COL27A1: variants seen among roughly 807,000 people sequenced by gnomAD.
The protein encoded by COL27A1 is collagen alpha-1(XXVII) chain.
COL27A1 carries 106 observed loss-of-function variants against 251.3 expected under a neutral mutation model. That is an observed-to-expected ratio of 0.42 (90% CI 0.36 to 0.50). The LOEUF (loss-of-function observed/expected upper bound fraction) is 0.50, where lower values mean the gene tolerates loss of function less well. Ranked by LOEUF, COL27A1 falls within the 20% of genes least tolerant of loss-of-function variation. The pLI, the probability that COL27A1 is intolerant of heterozygous loss-of-function variation, is 0.00. For synonymous variants in COL27A1, 1,000 were observed against 986.3 expected, an observed-to-expected ratio of 1.01 and a Z score of -0.26; for missense variants, 2,325 against 2,522.8, an observed-to-expected ratio of 0.92 and a Z score of 1.68.
At chr9:114,301,353 A>G (rs1588895738) in intron 53 of COL27A1, 34 bp downstream of exon 53, 8 of 1,370,980 alleles carry the variant, frequency 5.8e-6, no homozygotes, top group Non-Finnish European at 8.2e-6. Flanking sequence ...GGGATGCAGC[A>G]CTGCAGGGGC....
Position 114,265,274 on chromosome 9 carries a change from A to G in COL27A1, c.3340-148A>G, listed in dbSNP as rs900785533. The G allele has an allele frequency of 8.4e-6, 9 of 1,072,374 alleles. No individual in the cohort carries two copies. The African/African-American group carries it at 1.3e-4, about 15-fold the overall frequency. The allele number at this position is 1,072,374 out of a possible 1,614,324, so 66.4% of individuals were successfully genotyped here. A position where few individuals can be genotyped will look rare whatever the true frequency, so the allele number is the denominator to read the frequency against. On this transcript the variant is annotated intron_variant, in intron 31 of 60. Coordinates refer to ENST00000356083, the MANE Select transcript of COL27A1 (RefSeq NM_032888.4). ...CCCTGCACTGAAGCTCCTCCAGCAC[A>G]TCCTCTCTTCTCTGGGTCTCAGCCT...
chr9:114,209,705 C>T lies in COL27A1; in HGVS notation c.2299C>T (p.Leu767=). ...CATTGGGCTCCCAGGGCTCTTCGGCCTGCCAGGGTCTGATGGAGAACGAGT... is the reference window on the plus strand; with the variant it reads ...CATTGGGCTCCCAGGGCTCTTCGGCTTGCCAGGGTCTGATGGAGAACGAGT... ...GYIGLPGLFG[L]PGSDGERGLP... is the part of the protein sequence containing the mutation. The change falls in exon 11 of 61, where the codon CTG becomes TTG. Residue 767 remains leucine (L), a synonymous_variant. Transcript: ENST00000356083. The T allele has an allele frequency of 2.5e-6, 4 of 1,614,196 alleles. No individual in the cohort carries two copies. The highest frequency in any genetic ancestry group is 3.4e-6 in the Non-Finnish European group (4 of 1,180,012).
chr9:114,180,181 G>A (rs1479908086), intron 4 of COL27A1, among the ~76,000 whole-genome samples: 1 of 152,044 alleles, frequency 6.6e-6, no homozygotes, highest in East Asian at 1.9e-4. Context: ...TTATTTTTCT[G>A]AGTATTCACC....
In COL27A1 at chr9:114,203,314, C is replaced by A. The variant is rs148650245; in HGVS notation, c.2125-1788C>A. 5.9e-5 allele frequency among the ~76,000 whole-genome samples: 9 copies of A among 152,318 alleles called. No individual in the cohort carries two copies. The East Asian group carries it at 1.7e-3, about 29-fold the overall frequency. ...TGATAACAGCAGCTAACCTTTTCAG[C>A]GCCCTTGAATCCAATGCCAAATACT... On this transcript the variant is annotated intron_variant, in intron 7 of 60. Coordinates refer to ENST00000356083, the MANE Select transcript of COL27A1 (RefSeq NM_032888.4).
At chr9:114,164,251 A>G (rs1848684147) in intron 2 of COL27A1, among the ~76,000 whole-genome samples, 1 of 152,238 alleles carries the variant, frequency 6.6e-6, no homozygotes, top group African/African-American at 2.4e-5. Context: ...AGTATTTGGT[A>G]TCTAGTAAGT....
chr9:114,189,170 A>G (rs987116883), intron 5 of COL27A1, among the ~76,000 whole-genome samples: 3 of 152,218 alleles, frequency 2.0e-5, no homozygotes, highest in Non-Finnish European at 4.4e-5. Flanking sequence ...ATTCATTTAT[A>G]TTCCTTGTAA....
At chr9:114,188,835 A>G (rs558500269) in intron 5 of COL27A1, among the ~76,000 whole-genome samples, 1 of 152,308 alleles carries the variant, frequency 6.6e-6, no homozygotes, top group Non-Finnish European at 1.5e-5. Flanking sequence ...TATGAGATGT[A>G]TGTTTTTCTT....
At chr9:114,304,761 G>GC in intron 57 of COL27A1, 88 bp downstream of exon 57, 11 of 1,172,094 alleles carry the variant, frequency 9.4e-6, no homozygotes, top group Non-Finnish European at 1.4e-5. Flanking sequence ...TGCCTTCCAT[G>GC]TGGCCTGCAT....
At chr9:114,284,384 C>T (rs1231131513) in intron 40 of COL27A1, among the ~76,000 whole-genome samples, 1 of 152,204 alleles carries the variant, frequency 6.6e-6, no homozygotes, top group Non-Finnish European at 1.5e-5. Flanking sequence ...GCAGGCCTAG[C>T]CAAAGCCTGG....
chr9:114,236,969 G>A lies in COL27A1; in HGVS notation c.2620-12G>A. 6.2e-7 allele frequency: 1 copy of A among 1,613,584 alleles called. No homozygotes were observed. The highest frequency in any genetic ancestry group is 8.5e-7 in the Non-Finnish European group (1 of 1,179,822). On this transcript the variant is annotated splice_polypyrimidine_tract_variant and intron_variant, in intron 17 of 60. Transcript: ENST00000356083. ...TCCTCACTAACCCCAGCCTGCTCTG[G>A]ATCTCTTCCAGGGGAGCCAGGGGTT...
intron 60 of COL27A1, 106 bp from the exon 61 acceptor site, chr9:114,310,443 C>G: frequency 8.2e-7 from 1 of 1,222,368 alleles, no homozygotes; most frequent in East Asian, 2.3e-5. Flanking sequence ...CAATGAAATA[C>G]AGTATAGCCA....
At chr9:114,215,645 G>T (rs560563332) in intron 12 of COL27A1, among the ~76,000 whole-genome samples, 9 of 152,146 alleles carry the variant, frequency 5.9e-5, no homozygotes, top group Non-Finnish European at 1.3e-4. Flanking sequence ...TGGCTGCTTC[G>T]AGTGCAGCAG....
At chr9:114,305,549 T>C (rs1448826889) in intron 57 of COL27A1, among the ~76,000 whole-genome samples, 6 of 152,176 alleles carry the variant, frequency 3.9e-5, no homozygotes, top group Non-Finnish European at 1.5e-5. Flanking sequence ...AGAGGCTTAT[T>C]TCTCGTGCAC....
At chr9:114,269,513 G>T (rs754330033) in intron 35 of COL27A1, among the ~76,000 whole-genome samples, 1 of 150,822 alleles carries the variant, frequency 6.6e-6, no homozygotes, top group African/African-American at 2.4e-5. Flanking sequence ...TACTCGGGGG[G>T]CTGAGGCAGG....
At chr9:114,270,277 T>C (rs1240861045) in intron 35 of COL27A1, among the ~76,000 whole-genome samples, 1 of 152,214 alleles carries the variant, frequency 6.6e-6, no homozygotes, top group African/African-American at 2.4e-5. Flanking sequence ...CTAAGTAGTT[T>C]GCTTGCGGTC....
chr9:114,271,588 C>T (rs936934900), intron 36 of COL27A1: 2 of 152,450 alleles, frequency 1.3e-5, no homozygotes, highest in African/African-American at 4.8e-5. Context: ...GAAGAGACAC[C>T]TTAGCTCACC....
At chr9:114,205,918 C>T (rs1829920480) in intron 9 of COL27A1, 106 bp downstream of exon 9, 1 of 1,031,436 alleles carries the variant, frequency 9.7e-7, no homozygotes, top group African/African-American at 1.6e-5. Context: ...AGGAGCTGCA[C>T]CTGCTGGGTG....
chr9:114,237,476 C>A (rs908189058), intron 18 of COL27A1, among the ~76,000 whole-genome samples, 186 bp from the exon 19 acceptor site: 1 of 152,222 alleles, frequency 6.6e-6, no homozygotes, highest in Admixed American at 6.5e-5. Context: ...GTGACTTGCC[C>A]AGGGTCCCAT....
At chr9:114,201,915 G>A (rs1295272599) in intron 7 of COL27A1, among the ~76,000 whole-genome samples, 4 of 152,144 alleles carry the variant, frequency 2.6e-5, no homozygotes, top group Non-Finnish European at 4.4e-5. Context: ...CTAAGGATGC[G>A]GGATTGGAGT....
Sources: gnomAD v4.1 joint callset for allele counts (sites outside exome capture counted in the v4.1 genomes callset) on GRCh38, gnomAD v4.1.1 for gene constraint, MANE v1.5 for transcripts, NCBI Gene and HGNC (gene_info 2026-07-23, HGNC 2026-07-21) for gene names.